Variants in KYAT3 observed in about 807,000 individuals in gnomAD.
KYAT3 encodes the protein kynurenine aminotransferase 3.
Under a neutral mutation model 59.0 loss-of-function variants are expected in KYAT3, and 50 were observed. The observed-to-expected ratio is 0.85, with a 90% CI of 0.68 to 1.07. The LOEUF is 1.07. Ranked by LOEUF, KYAT3 falls within the 50% of genes least tolerant of loss-of-function variation. KYAT3 has a pLI of 0.00. For missense variants in KYAT3, 497 were observed against 533.3 expected (o/e 0.93, Z 0.67); for synonymous variants, 148 against 177.0 (o/e 0.84, Z 1.30).
At chr1:88,928,071 G>A in the KYAT3 span, among the ~76,000 whole-genome samples, 3 of 152,244 alleles carry the variant, frequency 2.0e-5, no homozygotes, top group Admixed American at 1.3e-4. Context: ...GCGCTAGAAG[G>A]ACTAAGGAAA....
chr1:88,961,329 TG>T, intron 7 of KYAT3, 42 bp from the exon 8 acceptor site: 1 of 1,613,498 alleles, frequency 6.2e-7, no homozygotes, highest in African/African-American at 1.3e-5. Context: ...TTATTCAACA[TG>T]TGAGAAAATG....
chr1:88,942,612 G>C (rs989835322), intron 13 of KYAT3, among the ~76,000 whole-genome samples: 1 of 152,060 alleles, frequency 6.6e-6, no homozygotes, highest in Non-Finnish European at 1.5e-5. Flanking sequence ...GCCCAGGCTG[G>C]AGTGCAGTGG....
chr1:88,950,711 A>C (rs555366714), intron 10 of KYAT3, among the ~76,000 whole-genome samples: 5 of 152,264 alleles, frequency 3.3e-5, no homozygotes, highest in African/African-American at 1.2e-4. Flanking sequence ...TACTGCTTCT[A>C]CCACCCCCAT....
the KYAT3 span, among the ~76,000 whole-genome samples, chr1:88,929,202 C>T: frequency 2.0e-5 from 3 of 152,096 alleles, no homozygotes; most frequent in Non-Finnish European, 4.4e-5. Flanking sequence ...AAGCCCAAGG[C>T]CTAGTAAAAC....
intron 2 of KYAT3, among the ~76,000 whole-genome samples, chr1:88,974,290 C>T (rs1452286127): frequency 2.0e-5 from 3 of 152,050 alleles, no homozygotes; most frequent in Non-Finnish European, 4.4e-5. Context: ...TTAATTGTCT[C>T]TTAACAAAGT....
chr1:88,940,519 G>A (rs1286884206), intron 13 of KYAT3, among the ~76,000 whole-genome samples: 1 of 152,044 alleles, frequency 6.6e-6, no homozygotes, highest in African/African-American at 2.4e-5. Context: ...TTGTATAAGG[G>A]AGAAGCTGGG....
intron 2 of KYAT3, among the ~76,000 whole-genome samples, chr1:88,977,280 C>T (rs950885960): frequency 3.3e-5 from 5 of 152,210 alleles, no homozygotes; most frequent in Non-Finnish European, 7.3e-5. Flanking sequence ...TGGCTCATTG[C>T]AACCTCCACC....
chr1:88,983,714 A>G, intron 2 of KYAT3: 1 of 1,613,984 alleles, frequency 6.2e-7, no homozygotes, highest in Non-Finnish European at 8.5e-7. Flanking sequence ...TTTTATCAAG[A>G]GTACTTCCAC....
intron 5 of KYAT3, among the ~76,000 whole-genome samples, chr1:88,963,629 C>T (rs185967666): frequency 1.3e-4 from 20 of 152,316 alleles, no homozygotes; most frequent in Admixed American, 5.2e-4. Flanking sequence ...TTTGTCACTA[C>T]CATAGTGTTC....
At chr1:88,922,227 A>G in the KYAT3 span, among the ~76,000 whole-genome samples, 2 of 152,182 alleles carry the variant, frequency 1.3e-5, no homozygotes, top group Non-Finnish European at 2.9e-5. Flanking sequence ...CTCTCTCTAA[A>G]AAAAAGCATG....
intron 2 of KYAT3, among the ~76,000 whole-genome samples, chr1:88,973,106 G>A (rs943817174): frequency 6.6e-6 from 1 of 152,228 alleles, no homozygotes; most frequent in Admixed American, 6.5e-5. Context: ...CCTGTGTGAA[G>A]ATGAAGGCAC....
intron 4 of KYAT3, among the ~76,000 whole-genome samples, chr1:88,966,729 A>G (rs1197477089): frequency 6.6e-6 from 1 of 152,120 alleles, no homozygotes; most frequent in Non-Finnish European, 1.5e-5. Flanking sequence ...ACAGGACTCC[A>G]GTACACTGAT....
At chr1:88,932,195 C>G (rs1045230359), downstream of KYAT3, among the ~76,000 whole-genome samples, 1 of 152,214 alleles carries the variant, frequency 6.6e-6, no homozygotes, top group East Asian at 1.9e-4. Flanking sequence ...TGTGAAGAAA[C>G]CCTATGACAA....
chr1:88,939,226 C>T (rs1675148742), intron 13 of KYAT3, among the ~76,000 whole-genome samples: 1 of 152,138 alleles, frequency 6.6e-6, no homozygotes, highest in Admixed American at 6.5e-5. Flanking sequence ...TTATAAAGTG[C>T]TATTTTTGCC....
downstream of KYAT3, among the ~76,000 whole-genome samples, chr1:88,932,520 G>T (rs112407240): frequency 0.015 from 2,264 of 152,182 alleles, 56 homozygotes; most frequent in African/African-American, 0.052. Flanking sequence ...TTAAGACAGG[G>T]TCTTGCTTTG....
intron 4 of KYAT3, 92 bp from the exon 5 acceptor site, chr1:88,965,070 A>T: frequency 9.9e-7 from 1 of 1,012,892 alleles, no homozygotes. Flanking sequence ...GAATTTTTAA[A>T]ATTTGGATTT....
intron 9 of KYAT3, among the ~76,000 whole-genome samples, chr1:88,953,949 C>G (rs575673100): frequency 8.1e-4 from 121 of 149,890 alleles, no homozygotes; most frequent in Non-Finnish European, 2.5e-4. Flanking sequence ...GTTGCCCAGA[C>G]TAGAGTGCAA....
At chr1:88,951,625 C>T (rs1001019387) in intron 10 of KYAT3, among the ~76,000 whole-genome samples, 4 of 151,076 alleles carry the variant, frequency 2.6e-5, no homozygotes, top group Non-Finnish European at 5.9e-5. Flanking sequence ...TCCCTATTTC[C>T]ATAATATATA....
intron 2 of KYAT3, among the ~76,000 whole-genome samples, chr1:88,972,772 G>A (rs1676601304): frequency 6.6e-6 from 1 of 152,200 alleles, no homozygotes; most frequent in African/African-American, 2.4e-5. Flanking sequence ...ATTTTATTGG[G>A]CAGAGCAATT....
Sources: gnomAD v4.1 joint callset for allele counts (sites outside exome capture counted in the v4.1 genomes callset) on GRCh38, gnomAD v4.1.1 for gene constraint, MANE v1.5 for transcripts, NCBI Gene and HGNC (gene_info 2026-07-23, HGNC 2026-07-21) for gene names.